Variants in NBEA observed in about 807,000 individuals in gnomAD.
NBEA encodes neurobeachin, also known as lysosomal-trafficking regulator 2.
Under a neutral mutation model 343.4 loss-of-function variants are expected in NBEA, and 44 were observed. That is an observed-to-expected ratio of 0.13 (90% CI 0.10 to 0.16). The LOEUF (loss-of-function observed/expected upper bound fraction) is 0.16, where lower values mean the gene tolerates loss of function less well. NBEA is among the 10% of genes least tolerant of loss of function. NBEA has a pLI of 1.00. For missense variants in NBEA, 2,555 were observed against 3,631.3 expected, an observed-to-expected ratio of 0.70 and a Z score of 7.62; for synonymous variants, 1,175 against 1,238.7, an observed-to-expected ratio of 0.95 and a Z score of 1.08.
At chr13:35,411,998 A>G (rs2043616502) in intron 38 of NBEA, among the ~76,000 whole-genome samples, 1 of 151,960 alleles carries the variant, frequency 6.6e-6, no homozygotes, top group South Asian at 2.1e-4. Flanking sequence ...CGTTGCTCTG[A>G]GAGGGTTTTG....
chr13:35,340,774 T>C (rs1168653745), intron 36 of NBEA, among the ~76,000 whole-genome samples: 1 of 151,974 alleles, frequency 6.6e-6, no homozygotes, highest in African/African-American at 2.4e-5. Context: ...TGGAAATACC[T>C]CCCAGGTTTT....
At chr13:35,333,709 C>T (rs1341217108) in intron 36 of NBEA, among the ~76,000 whole-genome samples, 3 of 151,970 alleles carry the variant, frequency 2.0e-5, no homozygotes, top group African/African-American at 7.2e-5. Flanking sequence ...CTTTTCCAAC[C>T]TCTTGTAACC....
intron 45 of NBEA, among the ~76,000 whole-genome samples, chr13:35,567,499 C>T (rs550570359): frequency 2.6e-4 from 39 of 152,148 alleles, no homozygotes; most frequent in Admixed American, 1.8e-3. Context: ...TGGTGCATAA[C>T]GGTAATGAGA....
chr13:35,251,184 G>T, intron 34 of NBEA: 1 of 253,080 alleles, frequency 4.0e-6, no homozygotes, highest in South Asian at 6.0e-5. Flanking sequence ...ATTGTGGTAG[G>T]GGAGGGGACT....
chr13:35,545,032 CA>C, intron 41 of NBEA, among the ~76,000 whole-genome samples: 1 of 152,124 alleles, frequency 6.6e-6, no homozygotes, highest in South Asian at 2.1e-4. Flanking sequence ...ACTTAAATGA[CA>C]GAAAAATATC....
intron 17 of NBEA, among the ~76,000 whole-genome samples, chr13:35,129,674 G>A (rs1037391477): frequency 6.6e-6 from 1 of 151,970 alleles, no homozygotes; most frequent in Non-Finnish European, 1.5e-5. Context: ...ATAGAAAAGG[G>A]GAAGAGAGAA....
At chr13:34,971,970 C>T (rs1350219651) in intron 1 of NBEA, among the ~76,000 whole-genome samples, 2 of 151,860 alleles carry the variant, frequency 1.3e-5, no homozygotes, top group African/African-American at 2.4e-5. Flanking sequence ...ATCTGTCTGG[C>T]CCTGGGCTTT....
chr13:35,377,490 T>C (rs1383703943), intron 38 of NBEA, among the ~76,000 whole-genome samples: 2 of 152,186 alleles, frequency 1.3e-5, no homozygotes, highest in African/African-American at 2.4e-5. Flanking sequence ...ATAGTTAATG[T>C]CTCCCAAATA....
chr13:35,616,864 A>G (rs1191227577), intron 48 of NBEA, among the ~76,000 whole-genome samples: 1 of 152,216 alleles, frequency 6.6e-6, no homozygotes, highest in Non-Finnish European at 1.5e-5. Context: ...TTTAACATCT[A>G]AAGTGCTGAT....
At chr13:35,339,395 T>A (rs1594273809) in intron 36 of NBEA, among the ~76,000 whole-genome samples, 1 of 151,966 alleles carries the variant, frequency 6.6e-6, no homozygotes, top group South Asian at 2.1e-4. Flanking sequence ...AAGAAGATGG[T>A]TCCATTAACA....
At chr13:35,366,377 G>A (rs1264956696) in intron 38 of NBEA, among the ~76,000 whole-genome samples, 7 of 150,898 alleles carry the variant, frequency 4.6e-5, no homozygotes, top group Admixed American at 4.6e-4. Flanking sequence ...TATATTTTCT[G>A]ATAATGTTTG....
At chr13:35,264,537 A>G (rs145290893) in intron 34 of NBEA, among the ~76,000 whole-genome samples, 1 of 152,192 alleles carries the variant, frequency 6.6e-6, no homozygotes, top group Non-Finnish European at 1.5e-5. Flanking sequence ...CACGTTTAAA[A>G]GATCAGTCAC....
At chr13:35,522,518 G>A (rs1229120662) in intron 41 of NBEA, among the ~76,000 whole-genome samples, 1 of 147,208 alleles carries the variant, frequency 6.8e-6, no homozygotes, top group Non-Finnish European at 1.5e-5. Context: ...GGATGCTGGG[G>A]ATGGGAGTCA....
At chr13:35,562,610 GGTTAATTATGTATATATT>G (rs1318673614) in intron 44 of NBEA, among the ~76,000 whole-genome samples, 2 of 151,794 alleles carry the variant, frequency 1.3e-5, no homozygotes, top group African/African-American at 4.8e-5. Flanking sequence ...AGCCCTCCCT[GGTTAATTATGTATATATT>G]TAGCAACTGC....
chr13:34,976,073 G>A (rs1214878021), intron 1 of NBEA, among the ~76,000 whole-genome samples: 3 of 152,112 alleles, frequency 2.0e-5, no homozygotes, highest in Non-Finnish European at 4.4e-5. Context: ...CCACTACTAC[G>A]TATCTACCCA....
At chr13:35,290,018 G>A (rs1252927765) in intron 34 of NBEA, among the ~76,000 whole-genome samples, 2 of 151,734 alleles carry the variant, frequency 1.3e-5, no homozygotes, top group African/African-American at 2.4e-5. Context: ...TATAATAAAT[G>A]TCATTGGCGT....
chr13:35,514,115 A>G (rs1051058667), intron 41 of NBEA, among the ~76,000 whole-genome samples: 5 of 146,638 alleles, frequency 3.4e-5, no homozygotes, highest in Non-Finnish European at 6.1e-5. Flanking sequence ...ACTCCTTTAG[A>G]AAAAAAAAAA....
chr13:35,015,402 G>A (rs1293489288), intron 1 of NBEA, among the ~76,000 whole-genome samples: 1 of 152,068 alleles, frequency 6.6e-6, no homozygotes, highest in Non-Finnish European at 1.5e-5. Context: ...ATAGGAAGAT[G>A]GGAGGAGGCA....
intron 47 of NBEA, among the ~76,000 whole-genome samples, chr13:35,600,541 C>G (rs1566388840): frequency 6.6e-6 from 1 of 151,768 alleles, no homozygotes; most frequent in Non-Finnish European, 1.5e-5. Context: ...TGATCCGTGC[C>G]CCTAAAAAAA....
Sources: allele counts gnomAD v4.1 joint callset (sites outside exome capture counted in the v4.1 genomes callset), GRCh38; gene constraint gnomAD v4.1.1; transcripts MANE v1.5; gene names NCBI Gene and HGNC (gene_info 2026-07-23, HGNC 2026-07-21).